The following DNAH9 variants were observed in gnomAD, a reference collection of about 807,000 sequenced individuals.
DNAH9 encodes dynein axonemal heavy chain 9, also known as DNAH9 variant protein.
A neutral mutation model predicts 471.6 loss-of-function variants in DNAH9; 345 were observed. The ratio of observed to expected loss-of-function variants is 0.73; its 90% CI spans 0.67 to 0.80. DNAH9 has a LOEUF of 0.80. DNAH9 is among the 30% of genes least tolerant of loss of function. DNAH9 has a pLI of 0.00. For synonymous variants in DNAH9, 2,093 were observed against 2,123.6 expected (o/e 0.99, Z 0.40); for missense variants, 5,407 against 5,609.2 (o/e 0.96, Z 1.15).
intron 20 of DNAH9, among the ~76,000 whole-genome samples, chr17:11,693,171 C>A (rs1030121134): frequency 6.6e-6 from 1 of 150,866 alleles, no homozygotes; most frequent in African/African-American, 2.4e-5. Flanking sequence ...CCTCTGCCTC[C>A]CAAAGTGCTG....
chr17:11,744,582 G>A (rs1450380311), intron 30 of DNAH9, among the ~76,000 whole-genome samples: 1 of 152,146 alleles, frequency 6.6e-6, no homozygotes, highest in Non-Finnish European at 1.5e-5. Context: ...TGTATGTTCT[G>A]TGTCTGCCCT....
intron 50 of DNAH9, among the ~76,000 whole-genome samples, chr17:11,859,466 G>A (rs1359161831): frequency 4.6e-5 from 7 of 150,688 alleles, no homozygotes; most frequent in Non-Finnish European, 1.0e-4. Context: ...AACAGTTAAT[G>A]TAACCTTTAT....
At chr17:11,645,948 C>T (rs1487495041) in intron 11 of DNAH9, among the ~76,000 whole-genome samples, 7 of 146,800 alleles carry the variant, frequency 4.8e-5, no homozygotes, top group Admixed American at 4.1e-4. Context: ...GGCACAATCT[C>T]GACTCACTGC....
intron 36 of DNAH9, among the ~76,000 whole-genome samples, chr17:11,766,302 A>AT (rs1366323131): frequency 8.0e-4 from 111 of 139,436 alleles, no homozygotes; most frequent in African/African-American, 2.8e-3. Context: ...AGAAGTTCCC[A>AT]TTTAAAAAAA....
At chr17:11,890,754 G>A (rs978580443) in intron 57 of DNAH9, among the ~76,000 whole-genome samples, 2 of 152,110 alleles carry the variant, frequency 1.3e-5, no homozygotes, top group African/African-American at 4.8e-5. Context: ...TGTTGCCCAG[G>A]CTGGAGTGCA....
rs1436755900 is a variant in DNAH9, at chr17:11,669,717, T to A, written c.3276T>A (p.Phe1092Leu). 1.9e-6 allele frequency: 3 copies of A among 1,614,144 alleles called. No homozygotes were observed. Among genetic ancestry groups the A allele is most frequent in the Non-Finnish European group, 2.5e-6 (3 of 1,179,996 alleles). ...GGATGAAAATTGATATTCGACCCTT[T>A]AAGGCATCTCTGCTGAATATTATTA... ...DGWMKIDIRP[F>L]KASLLNIIKR... The change falls in exon 17 of 69, where the codon TTT (phenylalanine) becomes TTA (leucine). Residue 1092 changes from phenylalanine to leucine, a missense_variant. Phe to Leu is a conservative substitution (Grantham distance 22). Around this residue, in one of 3 missense-constraint regions of DNAH9, gnomAD observed 4,636 missense variants for 4,900.3 expected, o/e 0.95. Coordinates refer to ENST00000262442, the MANE Select transcript of DNAH9 (RefSeq NM_001372.4).
At chr17:11,719,526 G>A (rs757411750) in intron 27 of DNAH9, 36 bp downstream of exon 27, 3 of 1,582,604 alleles carry the variant, frequency 1.9e-6, no homozygotes, top group Admixed American at 1.7e-5. Flanking sequence ...GGTGGGGGTG[G>A]GGGATAGGAA....
Position 11,640,389 on chromosome 17 carries a change from G to A in DNAH9, c.1901+5G>A, listed in dbSNP as rs780218643. On this transcript the variant is annotated splice_donor_5th_base_variant and intron_variant, in intron 10 of 68. Transcript: ENST00000262442. ...CTTTGGACGCATCACACACCCGTGA[G>A]TATTGTGTTCCTGAAAGACAGGCTT... 4 of 1,580,470 alleles carry A rather than the reference G, an allele frequency of 2.5e-6. No individual in the cohort carries two copies. Among genetic ancestry groups the A allele is most frequent in the African/African-American group, 2.7e-5 (2 of 74,238 alleles).
rs1360205863 is a variant in DNAH9, at chr17:11,822,614, G to C, written c.9012+15G>C. 2 of 1,613,712 alleles carry C rather than the reference G, an allele frequency of 1.2e-6. No homozygotes were observed. Among genetic ancestry groups the C allele is most frequent in the South Asian group, 2.2e-5 (2 of 91,032 alleles). On this transcript the variant is annotated intron_variant, in intron 47 of 68. Coordinates refer to ENST00000262442, the MANE Select transcript of DNAH9 (RefSeq NM_001372.4). ...AGGGCATTGAGGTGAGAGAGAAAAG[G>C]AGACACTCCTAAAAGTCCTTCCCAG...
At chr17:11,907,473 G>A (rs1342933034) in intron 61 of DNAH9, among the ~76,000 whole-genome samples, 2 of 149,236 alleles carry the variant, frequency 1.3e-5, no homozygotes, top group Non-Finnish European at 3.0e-5. Flanking sequence ...AAAAAAAAGA[G>A]TCTGTCCTAT....
intron 15 of DNAH9, among the ~76,000 whole-genome samples, chr17:11,667,920 G>A (rs1346356502): frequency 6.6e-6 from 1 of 152,186 alleles, no homozygotes; most frequent in East Asian, 1.9e-4. Context: ...CTATTTCAAG[G>A]GAAGAAGACA....
intron 49 of DNAH9, among the ~76,000 whole-genome samples, chr17:11,838,180 T>C (rs1428613181): frequency 6.6e-6 from 1 of 152,172 alleles, no homozygotes. Flanking sequence ...CATTCTACGG[T>C]AGGAAGTCAC....
At chr17:11,624,926 T>G (rs945966218) in intron 6 of DNAH9, among the ~76,000 whole-genome samples, 1 of 152,230 alleles carries the variant, frequency 6.6e-6, no homozygotes. Context: ...TGAAAGGATC[T>G]TATTTGACTT....
chr17:11,747,500 T>G, intron 31 of DNAH9, 56 bp from the exon 32 acceptor site: 1 of 1,418,490 alleles, frequency 7.0e-7, no homozygotes, highest in Non-Finnish European at 9.9e-7. Flanking sequence ...GAAGAGCAGT[T>G]GGGATGCAGG....
chr17:11,757,347 C>G (rs532882343), intron 34 of DNAH9, among the ~76,000 whole-genome samples, 198 bp from the exon 35 acceptor site: 74 of 152,246 alleles, frequency 4.9e-4, no homozygotes, highest in Non-Finnish European at 9.0e-4. Context: ...AAAGCTGCTC[C>G]CCATCCATCT....
rs190351986 is a variant in DNAH9 at position 11,740,678 on chromosome 17, A to C, written c.5973-1497A>C. On this transcript the variant is annotated intron_variant, in intron 29 of 68. Coordinates refer to ENST00000262442, the MANE Select transcript of DNAH9 (RefSeq NM_001372.4). ...CTACTTTTACATTTAATTCTCTCAA[A>C]GGCCCTATGAGGTAGTACTAGTTTC... Among the ~76,000 whole-genome samples the C allele has an allele frequency of 3.6e-3, 551 of 152,352 alleles. 3 individuals are homozygous for C. The highest frequency in any genetic ancestry group is 0.012 in the African/African-American group (516 of 41,588).
intron 59 of DNAH9, among the ~76,000 whole-genome samples, chr17:11,898,434 A>G (rs1270075593): frequency 6.6e-6 from 1 of 152,172 alleles, no homozygotes; most frequent in African/African-American, 2.4e-5. Context: ...TCCGTTTCTT[A>G]TAAGGCCACC....
rs2075018501 is a variant in DNAH9 at position 11,719,491 on chromosome 17, G to T, written c.5709+1G>T. On this transcript the variant is annotated splice_donor_variant, in intron 27 of 68. Coordinates refer to ENST00000262442, the MANE Select transcript of DNAH9 (RefSeq NM_001372.4). LOFTEE classifies it high-confidence loss of function. ...CTGCTCGGAGCAGATGGATTACAAGGTACAGTTCCACCCGGCTTCCTGGGG... is the reference window on the plus strand; with the variant it reads ...CTGCTCGGAGCAGATGGATTACAAGTTACAGTTCCACCCGGCTTCCTGGGG... The T allele has an allele frequency of 3.1e-6, 5 of 1,608,212 alleles. No individual in the cohort carries two copies. The highest frequency in any genetic ancestry group is 4.2e-6 in the Non-Finnish European group (5 of 1,176,482).
chr17:11,634,182 G>T (rs191243860), intron 8 of DNAH9, among the ~76,000 whole-genome samples: 340 of 152,224 alleles, frequency 2.2e-3, no homozygotes, highest in African/African-American at 7.6e-3. Flanking sequence ...TGAGCTTCCA[G>T]CCCAGGCCTT....
Sources: allele counts gnomAD v4.1 joint callset (sites outside exome capture counted in the v4.1 genomes callset), GRCh38; gene constraint gnomAD v4.1.1; regional missense constraint gnomAD v4.1.1; transcripts MANE v1.5; gene names NCBI Gene and HGNC (gene_info 2026-07-23, HGNC 2026-07-21).